The following ADAMTS18 variants were observed in gnomAD, a reference collection of about 807,000 sequenced individuals.
ADAMTS18 encodes A disintegrin and metalloproteinase with thrombospondin motifs 18.
ADAMTS18 carries 157 observed loss-of-function variants against 165.9 expected under a neutral mutation model. That is an observed-to-expected ratio of 0.95 (90% CI 0.83 to 1.08). The LOEUF (loss-of-function observed/expected upper bound fraction) is 1.08. Among genes scored for constraint, ADAMTS18 ranks in the 50% least tolerant of loss-of-function variants. The pLI is 0.00. For synonymous variants in ADAMTS18, 782 were observed against 578.2 expected (o/e 1.35, Z -5.06); for missense variants, 2,040 against 1,534.0 (o/e 1.33, Z -5.51).
At chr16:77,423,352 T>C (rs2057628490) in intron 3 of ADAMTS18, among the ~76,000 whole-genome samples, 1 of 152,162 alleles carries the variant, frequency 6.6e-6, no homozygotes, top group Non-Finnish European at 1.5e-5. Flanking sequence ...TTTTGAAAAG[T>C]CCTCTGCAGA....
At chr16:77,373,352 G>C (rs972327946) in intron 3 of ADAMTS18, among the ~76,000 whole-genome samples, 1 of 151,772 alleles carries the variant, frequency 6.6e-6, no homozygotes, top group Non-Finnish European at 1.5e-5. Flanking sequence ...CCAGCTACTC[G>C]GGAGGCTGAG....
At chr16:77,359,491 G>C in intron 7 of ADAMTS18, 68 bp from the exon 8 acceptor site, 1 of 1,323,720 alleles carries the variant, frequency 7.6e-7, no homozygotes, top group Non-Finnish European at 1.1e-6. Flanking sequence ...GATGATTTAT[G>C]TCCTCAAAAT....
Position 77,284,071 on chromosome 16 carries a change from T to G in ADAMTS18, c.3551A>C (p.Glu1184Ala). ...TNFCPAPEKR[E>A]DPSCVDFFNW... Reference sequence around the variant, plus strand: ...GAAGAAATCTACGCAGGATGGATCCTCTAAAATAAGAAAATATATTTAGCA... The same window carrying G: ...GAAGAAATCTACGCAGGATGGATCCGCTAAAATAAGAAAATATATTTAGCA... The change falls in exon 23 of 23, where the codon GAG becomes GCG. Residue 1184 changes from glutamate (E) to alanine (A), a missense_variant and splice_region_variant. Physicochemically the swap from Glu to Ala is moderately radical, Grantham distance 107. Transcript: ENST00000282849. The G allele has an allele frequency of 3.7e-6, 6 of 1,600,744 alleles. No homozygotes were observed. The highest frequency in any genetic ancestry group is 5.1e-6 in the Non-Finnish European group (6 of 1,168,076).
rs1221105914 is a variant in ADAMTS18, at chr16:77,282,928, C to CTGTT, written c.*1024_*1027dup. 4.3e-5 allele frequency: 1 copy of CTGTT among 23,484 alleles called. No individual in the cohort carries two copies. Among genetic ancestry groups the CTGTT allele is most frequent in the Non-Finnish European group, 1.2e-4 (1 of 8,430 alleles). The allele number at this position is 23,484 out of a possible 1,614,324, so 1.5% of individuals were successfully genotyped here. On this transcript the variant is annotated 3_prime_UTR_variant, in exon 23 of 23. Transcript: ENST00000282849. ...TCTCTTTTTTTTTTTTTTTTTTTTG[C>CTGTT]TGTTAGCTCAATCCTAGGGCAAATT...
intron 3 of ADAMTS18, among the ~76,000 whole-genome samples, chr16:77,423,001 A>G (rs910935073): frequency 3.9e-5 from 6 of 152,208 alleles, no homozygotes; most frequent in Non-Finnish European, 5.9e-5. Context: ...TGAGTCCCCC[A>G]TAGGTGAAGC....
intron 22 of ADAMTS18, among the ~76,000 whole-genome samples, chr16:77,286,522 C>T (rs1314531436): frequency 4.6e-5 from 7 of 152,278 alleles, no homozygotes; most frequent in Middle Eastern, 6.8e-3. Flanking sequence ...TCGAAGTAAG[C>T]ATTATTTCCC....
At chr16:77,306,540 T>G (rs1481884646) in intron 16 of ADAMTS18, among the ~76,000 whole-genome samples, 1 of 152,226 alleles carries the variant, frequency 6.6e-6, no homozygotes, top group Non-Finnish European at 1.5e-5. Context: ...TTGTATTTGT[T>G]TCATTATTTA....
At chr16:77,290,125 C>CTGTCTCAATTA (rs1260662936) in intron 21 of ADAMTS18, among the ~76,000 whole-genome samples, 1 of 152,048 alleles carries the variant, frequency 6.6e-6, no homozygotes, top group African/African-American at 2.4e-5. Flanking sequence ...ACTGTAGTTT[C>CTGTCTCAATTA]TGTCTCAATT....
intron 3 of ADAMTS18, among the ~76,000 whole-genome samples, chr16:77,427,053 T>C (rs1017999853): frequency 2.0e-5 from 3 of 152,198 alleles, no homozygotes; most frequent in South Asian, 2.1e-4. Context: ...AGTCAATGTG[T>C]CTAACAAGTT....
At chr16:77,378,558 T>C (rs968739969) in intron 3 of ADAMTS18, among the ~76,000 whole-genome samples, 9 of 151,232 alleles carry the variant, frequency 6.0e-5, no homozygotes, top group African/African-American at 2.2e-4. Flanking sequence ...CCACTGAAAA[T>C]ACAAAAATTA....
chr16:77,350,407 A>G (rs973561437), intron 10 of ADAMTS18, among the ~76,000 whole-genome samples: 2 of 152,150 alleles, frequency 1.3e-5, no homozygotes, highest in African/African-American at 4.8e-5. Context: ...TGCTGAAGAC[A>G]TAAGGAAGAG....
intron 3 of ADAMTS18, among the ~76,000 whole-genome samples, chr16:77,386,161 T>TC (rs1449073853): frequency 2.0e-5 from 3 of 152,244 alleles, no homozygotes; most frequent in African/African-American, 4.8e-5. Flanking sequence ...GACAGCAAGC[T>TC]CCCTGGACAG....
In ADAMTS18 at chr16:77,295,213, A is replaced by G. The variant is rs1258852595; in HGVS notation, c.2802-86T>C. 2.2e-6 allele frequency: 3 copies of G among 1,361,494 alleles called. No individual in the cohort carries two copies. In the African/African-American group the frequency reaches 4.3e-5, roughly 19 times the overall value. The allele number at this position is 1,361,494 out of a possible 1,614,324, so 84.3% of individuals were successfully genotyped here. A position where few individuals can be genotyped will look rare whatever the true frequency, so the allele number is the denominator to read the frequency against. ...AGTTACTGTGAAAGGTAAACCACCT[A>G]TGGAAGCCATGAATCAATTTCAGAA... On this transcript the variant is annotated intron_variant, in intron 18 of 22. Coordinates refer to ENST00000282849, the MANE Select transcript of ADAMTS18 (RefSeq NM_199355.4).
intron 3 of ADAMTS18, among the ~76,000 whole-genome samples, chr16:77,415,627 C>G (rs1336143107): frequency 6.6e-6 from 1 of 150,948 alleles, no homozygotes; most frequent in East Asian, 1.9e-4. Flanking sequence ...TGTCACCTTC[C>G]CACAGACTGC....
chr16:77,391,274 G>A (rs766672986), intron 3 of ADAMTS18, among the ~76,000 whole-genome samples: 4 of 152,090 alleles, frequency 2.6e-5, no homozygotes, highest in African/African-American at 9.7e-5. Flanking sequence ...AGGCCAAAGC[G>A]GGCAGATCAC....
At chr16:77,423,626 G>A (rs2057632596) in intron 3 of ADAMTS18, among the ~76,000 whole-genome samples, 1 of 152,120 alleles carries the variant, frequency 6.6e-6, no homozygotes, top group Admixed American at 6.5e-5. Flanking sequence ...AAAGACAAGA[G>A]ATGGAACTTC....
At chr16:77,368,198 G>A (rs560203103) in intron 3 of ADAMTS18, among the ~76,000 whole-genome samples, 1 of 152,120 alleles carries the variant, frequency 6.6e-6, no homozygotes, top group African/African-American at 2.4e-5. Context: ...GAAAATTGAA[G>A]CTAAGATAGT....
At chr16:77,315,761 T>C (rs2055875779) in intron 16 of ADAMTS18, among the ~76,000 whole-genome samples, 1 of 152,206 alleles carries the variant, frequency 6.6e-6, no homozygotes, top group Non-Finnish European at 1.5e-5. Flanking sequence ...AGTGCCCTGC[T>C]CAGTTAACAA....
At chr16:77,320,177 C>A in intron 15 of ADAMTS18, 84 bp from the exon 16 acceptor site, 1 of 1,533,734 alleles carries the variant, frequency 6.5e-7, no homozygotes, top group South Asian at 1.1e-5. Context: ...ATGTAGTGTT[C>A]AGTTTTATAG....
Sources: allele counts gnomAD v4.1 joint callset (sites outside exome capture counted in the v4.1 genomes callset), GRCh38; gene constraint gnomAD v4.1.1; transcripts MANE v1.5; gene names NCBI Gene and HGNC (gene_info 2026-07-23, HGNC 2026-07-21).